Variants in SESTD1 observed in about 807,000 individuals in gnomAD.
SESTD1 encodes SEC14 domain and spectrin repeat-containing protein 1.
In SESTD1, 43 loss-of-function variants were observed where a neutral mutation model predicts 101.7. The observed-to-expected ratio is 0.42, with a 90% CI of 0.33 to 0.55. The LOEUF (loss-of-function observed/expected upper bound fraction) is 0.55, where lower values mean the gene tolerates loss of function less well. SESTD1 is among the 20% of genes least tolerant of loss of function. The pLI, the probability that SESTD1 is intolerant of heterozygous loss-of-function variation, is 0.07. For synonymous variants in SESTD1, 283 were observed against 286.8 expected (o/e 0.99, Z 0.13); for missense variants, 647 against 815.1 (o/e 0.79, Z 2.51).
intron 1 of SESTD1, among the ~76,000 whole-genome samples, chr2:179,257,462 C>T (rs2047415035): frequency 1.3e-5 from 2 of 152,194 alleles, no homozygotes; most frequent in Admixed American, 1.3e-4. Flanking sequence ...ACAGTGTGAA[C>T]ATAACTTTTA....
intron 2 of SESTD1, among the ~76,000 whole-genome samples, chr2:179,191,211 G>A (rs1002314951): frequency 3.3e-5 from 5 of 152,098 alleles, no homozygotes; most frequent in Non-Finnish European, 7.4e-5. Flanking sequence ...TAAAGAAAAC[G>A]TGGTACATAT....
At chr2:179,180,536 G>C (rs761164912) in intron 3 of SESTD1, among the ~76,000 whole-genome samples, 4 of 152,096 alleles carry the variant, frequency 2.6e-5, no homozygotes, top group Non-Finnish European at 5.9e-5. Flanking sequence ...TGATCTGCTA[G>C]GGTAAACTTA....
At chr2:179,148,656 T>C (rs574926209) in intron 7 of SESTD1, among the ~76,000 whole-genome samples, 17 of 152,370 alleles carry the variant, frequency 1.1e-4, no homozygotes, top group Admixed American at 2.0e-4. Context: ...TTTTTTCATA[T>C]TCTTAACCAG....
intron 13 of SESTD1, among the ~76,000 whole-genome samples, chr2:179,119,259 A>C (rs906674587): frequency 1.3e-5 from 2 of 152,236 alleles, no homozygotes; most frequent in Non-Finnish European, 2.9e-5. Flanking sequence ...TAAATGTTTG[A>C]GATTCAGAGA....
chr2:179,254,266 A>G (rs2047360694), intron 1 of SESTD1, among the ~76,000 whole-genome samples: 1 of 152,184 alleles, frequency 6.6e-6, no homozygotes, highest in Non-Finnish European at 1.5e-5. Flanking sequence ...TAGGAGCTAA[A>G]AAAGAAAACC....
chr2:179,221,622 A>T (rs1223527242), intron 1 of SESTD1, among the ~76,000 whole-genome samples: 1 of 151,584 alleles, frequency 6.6e-6, no homozygotes, highest in African/African-American at 2.4e-5. Flanking sequence ...GTTAAGGAAA[A>T]AAAAAAAAAA....
intron 1 of SESTD1, among the ~76,000 whole-genome samples, chr2:179,198,945 T>A (rs2046452126): frequency 6.6e-6 from 1 of 151,938 alleles, no homozygotes; most frequent in Non-Finnish European, 1.5e-5. Context: ...AGGCAAGAAA[T>A]AACTAAAATC....
chr2:179,160,083 C>T (rs2045706420), intron 5 of SESTD1, among the ~76,000 whole-genome samples: 2 of 152,172 alleles, frequency 1.3e-5, no homozygotes, highest in South Asian at 2.1e-4. Flanking sequence ...TCTTGAACTC[C>T]TGACTTCAGG....
intron 12 of SESTD1, among the ~76,000 whole-genome samples, chr2:179,122,445 T>C (rs562042179): frequency 6.6e-5 from 10 of 152,160 alleles, no homozygotes; most frequent in Non-Finnish European, 1.3e-4. Context: ...GAAGCAACAA[T>C]TAGGGTATAT....
intron 1 of SESTD1, among the ~76,000 whole-genome samples, chr2:179,251,707 C>G (rs10182477): frequency 0.29 from 44,222 of 152,028 alleles, 6,792 homozygotes; most frequent in South Asian, 0.43. Flanking sequence ...ATTAGTTCAT[C>G]AGGGCAGAGA....
Position 179,116,774 on chromosome 2 carries a change from C to T in SESTD1, c.1541G>A (p.Ser514Asn). The T allele has an allele frequency of 5.0e-6, 8 of 1,613,898 alleles. No homozygotes were observed. The highest frequency in any genetic ancestry group is 6.8e-6 in the Non-Finnish European group (8 of 1,179,846). Residue 514 changes from serine to asparagine, a missense_variant, in exon 15 of 18, where the codon AGT becomes AAT. Transcript: ENST00000428443. ...EDAAQAVEWL[S>N]ELLDALLKTH... The stretch of plus-strand genomic sequence containing the variant: ...CTTAAGCAGAGCATCCAGAAGTTCA[C>T]TTAGCCATTCTACTGCCTAAACAAA...
At chr2:179,230,673 G>A (rs1179363349) in intron 1 of SESTD1, among the ~76,000 whole-genome samples, 1 of 151,926 alleles carries the variant, frequency 6.6e-6, no homozygotes, top group Non-Finnish European at 1.5e-5. Context: ...GGAACAGTTG[G>A]TAAAATGGAA....
chr2:179,114,282 A>G (rs1041449383), intron 16 of SESTD1, among the ~76,000 whole-genome samples: 2 of 152,192 alleles, frequency 1.3e-5, no homozygotes, highest in Non-Finnish European at 2.9e-5. Context: ...ACTCAGATAG[A>G]AACTTTAATT....
Position 179,142,378 on chromosome 2 carries a change from G to C in SESTD1, c.849+1214C>G, listed in dbSNP as rs887338064. 7.2e-5 allele frequency among the ~76,000 whole-genome samples: 11 copies of C among 152,226 alleles called. No homozygotes were observed. In the South Asian group the frequency reaches 2.1e-3, roughly 29 times the overall value. ...CTTTCCAAACACTAGCCTTTCAAAA[G>C]GGGTATTATTATTCCTGTTTCAATT... On this transcript the variant is annotated intron_variant, in intron 9 of 17. Coordinates refer to ENST00000428443, the MANE Select transcript of SESTD1 (RefSeq NM_178123.5).
intron 14 of SESTD1, 73 bp downstream of exon 14, chr2:179,117,459 C>A: frequency 7.4e-7 from 1 of 1,346,246 alleles, no homozygotes; most frequent in South Asian, 1.4e-5. Flanking sequence ...GAAAAGTACA[C>A]TTTTGTTTGT....
At chr2:179,171,603 A>G (rs2045931229) in intron 5 of SESTD1, among the ~76,000 whole-genome samples, 1 of 152,208 alleles carries the variant, frequency 6.6e-6, no homozygotes, top group Non-Finnish European at 1.5e-5. Flanking sequence ...AACTGCTTAG[A>G]TTTACATTCC....
intron 13 of SESTD1, among the ~76,000 whole-genome samples, chr2:179,120,969 G>A (rs1437344858): frequency 6.6e-6 from 1 of 152,152 alleles, no homozygotes; most frequent in African/African-American, 2.4e-5. Context: ...AGTCAGGAGG[G>A]TGATCAGAAT....
intron 13 of SESTD1, among the ~76,000 whole-genome samples, chr2:179,120,540 G>GAAAC (rs1323854290): frequency 2.0e-5 from 3 of 152,176 alleles, no homozygotes; most frequent in African/African-American, 7.2e-5. Context: ...AAACCAAGAA[G>GAAAC]AAACAGAGAA....
intron 16 of SESTD1, among the ~76,000 whole-genome samples, chr2:179,113,662 T>C (rs1472741293): frequency 6.6e-6 from 1 of 152,222 alleles, no homozygotes; most frequent in East Asian, 1.9e-4. Context: ...TTTCTAATCA[T>C]TATACTATAC....
Sources: gnomAD v4.1 joint callset for allele counts (sites outside exome capture counted in the v4.1 genomes callset) on GRCh38, gnomAD v4.1.1 for gene constraint, MANE v1.5 for transcripts, NCBI Gene and HGNC (gene_info 2026-07-23, HGNC 2026-07-21) for gene names.